The following MRTFB variants were observed in gnomAD, a reference collection of about 807,000 sequenced individuals.
MRTFB encodes myocardin related transcription factor B, also known as myocardin-related transcription factor B.
MRTFB carries 29 observed loss-of-function variants against 104.2 expected under a neutral mutation model. The ratio of observed to expected loss-of-function variants is 0.28; its 90% CI spans 0.21 to 0.38. The LOEUF is 0.38. MRTFB is among the 10% of genes least tolerant of loss of function. The pLI is 1.00. For missense variants in MRTFB, 1,270 were observed against 1,341.6 expected (o/e 0.95, Z 0.83); for synonymous variants, 535 against 519.5 (o/e 1.03, Z -0.41).
chr16:14,252,279 A>G, intron 14 of MRTFB, 86 bp from the exon 15 acceptor site: 5 of 1,543,230 alleles, frequency 3.2e-6, no homozygotes, highest in Non-Finnish European at 4.4e-6. Context: ...TGGCCACTAC[A>G]TAGAGAACAG....
chr16:14,149,288 A>G (rs187682141), intron 3 of MRTFB: 1 of 152,322 alleles, frequency 6.6e-6, no homozygotes, highest in African/African-American at 2.4e-5. Flanking sequence ...TTCACCAGTT[A>G]AATTTTTGAT....
At chr16:14,020,183 C>A in the MRTFB span, among the ~76,000 whole-genome samples, 1 of 152,134 alleles carries the variant, frequency 6.6e-6, no homozygotes, top group Non-Finnish European at 1.5e-5. Flanking sequence ...AGCTTCCCCT[C>A]CCCTGGAACA....
chr16:14,179,881 T>C (rs1029445397), intron 3 of MRTFB, among the ~76,000 whole-genome samples: 1 of 152,168 alleles, frequency 6.6e-6, no homozygotes, highest in Non-Finnish European at 1.5e-5. Flanking sequence ...CAGGAGTGTT[T>C]AGAAACTTTA....
At chr16:14,187,102 C>T in intron 3 of MRTFB, 1 of 1,306,898 alleles carries the variant, frequency 7.7e-7, no homozygotes, top group South Asian at 1.3e-5. Flanking sequence ...CTGAGCGTGT[C>T]TGTCTGTTAC....
the MRTFB span, among the ~76,000 whole-genome samples, chr16:13,998,102 C>A: frequency 6.6e-6 from 1 of 152,164 alleles, no homozygotes; most frequent in African/African-American, 2.4e-5. Flanking sequence ...GCCTCTGAGG[C>A]GTGCAGCAGG....
chr16:14,030,342 C>T, the MRTFB span, among the ~76,000 whole-genome samples: 6 of 152,312 alleles, frequency 3.9e-5, no homozygotes, highest in Middle Eastern at 3.4e-3. Context: ...GCCCTCTAAC[C>T]ACACTGCCAC....
intron 3 of MRTFB, among the ~76,000 whole-genome samples, chr16:14,175,223 G>C (rs1433035552): frequency 1.3e-5 from 2 of 152,032 alleles, no homozygotes; most frequent in Admixed American, 1.3e-4. Context: ...GAAGAATTTT[G>C]GCATATGTAT....
At chr16:14,145,686 A>G (rs1206030472) in intron 3 of MRTFB, among the ~76,000 whole-genome samples, 3 of 152,276 alleles carry the variant, frequency 2.0e-5, no homozygotes, top group Admixed American at 2.0e-4. Flanking sequence ...ATACAGAAAC[A>G]CATGCATAAT....
chr16:14,097,089 G>A (rs546950836), intron 2 of MRTFB, among the ~76,000 whole-genome samples: 3 of 152,316 alleles, frequency 2.0e-5, no homozygotes, highest in South Asian at 2.1e-4. Flanking sequence ...CTTTAGTTGT[G>A]TTATTTAAAT....
chr16:14,259,141 A>G (rs1364505211), intron 16 of MRTFB, among the ~76,000 whole-genome samples: 1 of 152,258 alleles, frequency 6.6e-6, no homozygotes, highest in Non-Finnish European at 1.5e-5. Context: ...CCTTACAAAA[A>G]TAACTTCAGC....
At chr16:13,997,664 G>A in the MRTFB span, among the ~76,000 whole-genome samples, 6 of 151,428 alleles carry the variant, frequency 4.0e-5, no homozygotes, top group Admixed American at 3.9e-4. Flanking sequence ...ATGGTGGCAT[G>A]TGCCTATAGT....
In MRTFB at chr16:14,136,132, G is replaced by A. The variant is rs189005185; in HGVS notation, c.-63-4412G>A. On this transcript the variant is annotated intron_variant, in intron 2 of 16. Coordinates refer to ENST00000571589, the MANE Select transcript of MRTFB (RefSeq NM_001308142.2). ...ACTAAAAATACAGAAATAATTAGCC[G>A]GGCGTGGTGGTGGTGCCTGTAATCC... Among the ~76,000 whole-genome samples, 151 of 152,054 alleles carry A rather than the reference G, an allele frequency of 9.9e-4. 1 individual carries two copies. Among genetic ancestry groups the A allele is most frequent in the Non-Finnish European group, 1.6e-4 (11 of 67,976 alleles).
chr16:14,027,247 G>A, the MRTFB span, among the ~76,000 whole-genome samples: 1 of 152,070 alleles, frequency 6.6e-6, no homozygotes, highest in Admixed American at 6.6e-5. Flanking sequence ...GAACCTCAAG[G>A]ATACAACGCT....
chr16:14,253,210 C>G (rs2043325365), intron 15 of MRTFB, among the ~76,000 whole-genome samples: 1 of 152,124 alleles, frequency 6.6e-6, no homozygotes, highest in Admixed American at 6.5e-5. Flanking sequence ...CATACATTAC[C>G]CTAAACACTC....
chr16:14,238,596 G>A (rs9933153), intron 9 of MRTFB, among the ~76,000 whole-genome samples: 20,508 of 152,102 alleles, frequency 0.13, 3,267 homozygotes, highest in African/African-American at 0.38. Context: ...GAGATACCTG[G>A]AAGCAATGAA....
upstream of MRTFB, among the ~76,000 whole-genome samples, chr16:14,069,489 G>GT (rs1207786647): frequency 6.6e-6 from 1 of 152,114 alleles, no homozygotes; most frequent in Admixed American, 6.5e-5. Flanking sequence ...AATCTATATA[G>GT]TTTTTTCTTT....
Position 14,252,351 on chromosome 16 carries a change from T to A in MRTFB, c.2566-14T>A. ...GCCAAGAGGTAATGTGCACTCCTCC[T>A]TTATTTGACACAGCCTAGTTCACCC... On this transcript the variant is annotated splice_polypyrimidine_tract_variant and intron_variant, in intron 14 of 16. Transcript: ENST00000571589. The A allele has an allele frequency of 8.1e-6, 13 of 1,611,566 alleles. No homozygotes were observed. The highest frequency in any genetic ancestry group is 1.1e-5 in the Non-Finnish European group (13 of 1,178,384).
At chr16:14,073,163 A>G (rs1172781945) in intron 1 of MRTFB, among the ~76,000 whole-genome samples, 1 of 152,184 alleles carries the variant, frequency 6.6e-6, no homozygotes, top group Non-Finnish European at 1.5e-5. Context: ...TCTTATAAAA[A>G]CTTTTAAATA....
chr16:14,062,240 C>A, the MRTFB span, among the ~76,000 whole-genome samples: 1 of 152,110 alleles, frequency 6.6e-6, no homozygotes, highest in Non-Finnish European at 1.5e-5. Flanking sequence ...CTCCAGGCAC[C>A]TGCCACCACT....
Sources: gnomAD v4.1 joint callset for allele counts (sites outside exome capture counted in the v4.1 genomes callset) on GRCh38, gnomAD v4.1.1 for gene constraint, MANE v1.5 for transcripts, NCBI Gene and HGNC (gene_info 2026-07-23, HGNC 2026-07-21) for gene names.